Variants in GNB5 observed in about 807,000 individuals in gnomAD.
The protein encoded by GNB5 is G protein subunit beta 5.
GNB5 carries 37 observed loss-of-function variants against 55.3 expected under a neutral mutation model. The observed-to-expected ratio is 0.67, with a 90% CI of 0.51 to 0.88. The LOEUF is 0.88. Ranked by LOEUF, GNB5 falls within the 40% of genes least tolerant of loss-of-function variation. The pLI is 0.00. For synonymous variants in GNB5, 219 were observed against 198.5 expected, an observed-to-expected ratio of 1.10 and a Z score of -0.87; for missense variants, 476 against 515.3, an observed-to-expected ratio of 0.92 and a Z score of 0.74.
At chr15:52,152,323 C>T (rs968946616) in intron 4 of GNB5, among the ~76,000 whole-genome samples, 1 of 145,060 alleles carries the variant, frequency 6.9e-6, no homozygotes, top group African/African-American at 2.5e-5. Flanking sequence ...TATATAATAT[C>T]TTTTTTTTTT....
intron 5 of GNB5, 35 bp downstream of exon 5, chr15:52,149,849 A>C: frequency 6.5e-7 from 1 of 1,535,076 alleles, no homozygotes; most frequent in Non-Finnish European, 9.0e-7. Flanking sequence ...TGGGATTCTG[A>C]AGCCTCTATA....
At chr15:52,124,005 C>CAAAAAAAAAA (rs56008657) in intron 12 of GNB5, among the ~76,000 whole-genome samples, 11 of 84,408 alleles carry the variant, frequency 1.3e-4, no homozygotes, top group East Asian at 3.6e-4. Context: ...ATAGAAAAAC[C>CAAAAAAAAAA]AAAAAAAAAA....
intron 3 of GNB5, among the ~76,000 whole-genome samples, chr15:52,173,132 C>G (rs983671063): frequency 2.6e-5 from 4 of 152,078 alleles, no homozygotes; most frequent in African/African-American, 7.2e-5. Context: ...GTAAGGGAGA[C>G]ATAAAATCAA....
chr15:52,150,183 G>A (rs780928712), intron 4 of GNB5, among the ~76,000 whole-genome samples: 4 of 152,164 alleles, frequency 2.6e-5, no homozygotes, highest in Non-Finnish European at 4.4e-5. Flanking sequence ...GAAACAACAC[G>A]CAGACACTTC....
chr15:52,136,110 G>C (rs2033706271), intron 7 of GNB5, among the ~76,000 whole-genome samples: 2 of 49,042 alleles, frequency 4.1e-5, no homozygotes, highest in African/African-American at 1.1e-4. Flanking sequence ...GGGAAAAGCA[G>C]AAAACACACA....
intron 7 of GNB5, chr15:52,136,972 C>T (rs1201355450): frequency 6.6e-6 from 3 of 453,744 alleles, no homozygotes; most frequent in Non-Finnish European, 1.3e-5. Flanking sequence ...ATCGATTAGA[C>T]AACTTACCAA....
chr15:52,185,755 TATTATTATTA>T (rs900737792), intron 1 of GNB5, among the ~76,000 whole-genome samples: 1 of 95,976 alleles, frequency 1.0e-5, no homozygotes, highest in African/African-American at 5.9e-5. Flanking sequence ...TTCATCTTTT[TATTATTATTA>T]TTATTATTAT....
At chr15:52,162,711 A>C (rs2034360880) in intron 3 of GNB5, 1 of 152,226 alleles carries the variant, frequency 6.6e-6, no homozygotes, top group African/African-American at 2.4e-5. Context: ...ATTCTGTGCC[A>C]AAGTAGAATG....
intron 9 of GNB5, among the ~76,000 whole-genome samples, chr15:52,131,284 A>G (rs1389004219): frequency 6.6e-6 from 1 of 152,254 alleles, no homozygotes; most frequent in Non-Finnish European, 1.5e-5. Flanking sequence ...CAAACAATAC[A>G]GTCTAATAAC....
At chr15:52,153,355 C>T (rs1012652038) in intron 4 of GNB5, among the ~76,000 whole-genome samples, 1 of 152,230 alleles carries the variant, frequency 6.6e-6, no homozygotes, top group Non-Finnish European at 1.5e-5. Flanking sequence ...CCAACATCTT[C>T]ACACAACCTC....
chr15:52,136,155 C>CACACAT (rs1566935755), intron 7 of GNB5, among the ~76,000 whole-genome samples: 1 of 138,122 alleles, frequency 7.2e-6, no homozygotes, highest in Non-Finnish European at 1.5e-5. Flanking sequence ...CACACACACA[C>CACACAT]ACACACACAC....
At chr15:52,175,125 A>T (rs925369400) in intron 3 of GNB5, among the ~76,000 whole-genome samples, 3 of 152,146 alleles carry the variant, frequency 2.0e-5, no homozygotes, top group Non-Finnish European at 4.4e-5. Context: ...GCAAACTGGG[A>T]TGAGTTGATT....
chr15:52,123,522 C>T (rs114750124), intron 12 of GNB5: 4,778 of 151,720 alleles, frequency 0.031, 264 homozygotes, highest in African/African-American at 0.11. Flanking sequence ...ATAAATTTAG[C>T]TTTGCTCTAT....
intron 8 of GNB5, 111 bp downstream of exon 8, chr15:52,135,502 C>T: frequency 2.1e-6 from 2 of 934,628 alleles, no homozygotes; most frequent in Non-Finnish European, 3.3e-6. Flanking sequence ...ACAATTCCTG[C>T]AGCCCCTTCT....
chr15:52,171,357 A>G (rs2034551733), intron 3 of GNB5, among the ~76,000 whole-genome samples: 1 of 152,182 alleles, frequency 6.6e-6, no homozygotes, highest in Non-Finnish European at 1.5e-5. Context: ...ATACACAAAC[A>G]TGGAAACATA....
rs150604724 is a variant in GNB5, at chr15:52,122,729, T to C, written c.*28A>G. On this transcript the variant is annotated 3_prime_UTR_variant, in exon 13 of 13. Coordinates refer to ENST00000261837, the MANE Select transcript of GNB5 (RefSeq NM_016194.4). ...CATGTGAAGATTTCAAATTCTCAGG[T>C]ATACATGAGTGCACTGTCAGAAGAT... The C allele has an allele frequency of 1.0e-5, 16 of 1,551,084 alleles. No homozygotes were observed. In the Admixed American group the frequency reaches 2.7e-4, roughly 26 times the overall value.
intron 3 of GNB5, among the ~76,000 whole-genome samples, chr15:52,160,678 G>C (rs1464397651): frequency 6.6e-6 from 1 of 152,124 alleles, no homozygotes; most frequent in Non-Finnish European, 1.5e-5. Context: ...TTATCATTTG[G>C]TGTGTACCCT....
intron 5 of GNB5, chr15:52,149,522 C>G: frequency 1.8e-6 from 1 of 555,344 alleles, no homozygotes; most frequent in Admixed American, 3.1e-5. Context: ...GGAGTCTGGT[C>G]AAAGAGAGGG....
At chr15:52,179,658 G>A in intron 3 of GNB5, 110 bp downstream of exon 3, 1 of 555,726 alleles carries the variant, frequency 1.8e-6, no homozygotes, top group Non-Finnish European at 2.6e-6. Flanking sequence ...GCGGTGGCGC[G>A]GGCCTGGCTC....
Sources: allele counts gnomAD v4.1 joint callset (sites outside exome capture counted in the v4.1 genomes callset), GRCh38; gene constraint gnomAD v4.1.1; transcripts MANE v1.5; gene names NCBI Gene and HGNC (gene_info 2026-07-23, HGNC 2026-07-21).